ABCC4: variants seen among roughly 807,000 people sequenced by gnomAD.
ABCC4 encodes ATP binding cassette subfamily C member 4 (PEL blood group).
Under a neutral mutation model 168.5 loss-of-function variants are expected in ABCC4, and 102 were observed. That is an observed-to-expected ratio of 0.61 (90% CI 0.52 to 0.71). The LOEUF (loss-of-function observed/expected upper bound fraction) is 0.71, where lower values mean the gene tolerates loss of function less well. Among genes scored for constraint, ABCC4 ranks in the 30% least tolerant of loss-of-function variants. The pLI is 0.00. For missense variants in ABCC4, 1,402 were observed against 1,605.8 expected, an observed-to-expected ratio of 0.87 and a Z score of 2.17; for synonymous variants, 617 against 590.7, an observed-to-expected ratio of 1.04 and a Z score of -0.65.
chr13:95,115,502 C>CAAA (rs4148521), intron 20 of ABCC4, among the ~76,000 whole-genome samples: 80 of 141,100 alleles, frequency 5.7e-4, no homozygotes, highest in Admixed American at 2.5e-3. Flanking sequence ...TGGTTCTATC[C>CAAA]AAAAAAAAAA....
chr13:95,278,053 C>T (rs889481520), intron 1 of ABCC4, among the ~76,000 whole-genome samples: 3 of 152,178 alleles, frequency 2.0e-5, no homozygotes, highest in Non-Finnish European at 4.4e-5. Flanking sequence ...TACCCCACCG[C>T]GGTCAACCCA....
At chr13:95,040,728 G>GT (rs1227619849) in intron 29 of ABCC4, among the ~76,000 whole-genome samples, 2 of 152,192 alleles carry the variant, frequency 1.3e-5, no homozygotes, top group East Asian at 3.8e-4. Context: ...TTAGCTTTGA[G>GT]TTGTGTTTCT....
chr13:95,171,049 GCC>G (rs542706038), intron 13 of ABCC4, among the ~76,000 whole-genome samples: 1 of 145,186 alleles, frequency 6.9e-6, no homozygotes, highest in Non-Finnish European at 1.5e-5. Flanking sequence ...ACATATCAAC[GCC>G]CCCCCTCCAC....
At chr13:95,284,702 C>T (rs2041216092) in intron 1 of ABCC4, among the ~76,000 whole-genome samples, 1 of 152,166 alleles carries the variant, frequency 6.6e-6, no homozygotes, top group Non-Finnish European at 1.5e-5. Flanking sequence ...GGGCAGGGAC[C>T]AGGGTCACTG....
At chr13:95,173,805 T>C (rs2037564574) in intron 13 of ABCC4, among the ~76,000 whole-genome samples, 1 of 152,192 alleles carries the variant, frequency 6.6e-6, no homozygotes, top group Non-Finnish European at 1.5e-5. Context: ...TGAGGCCTAT[T>C]TCATGAGAAT....
intron 27 of ABCC4, among the ~76,000 whole-genome samples, chr13:95,048,112 CTAAA>C (rs2032673174): frequency 6.6e-6 from 1 of 152,134 alleles, no homozygotes; most frequent in African/African-American, 2.4e-5. Flanking sequence ...AATTTTCTTA[CTAAA>C]TGTCATTGTA....
intron 1 of ABCC4, among the ~76,000 whole-genome samples, chr13:95,287,118 G>A (rs1273234261): frequency 6.6e-6 from 1 of 152,042 alleles, no homozygotes; most frequent in Non-Finnish European, 1.5e-5. Flanking sequence ...GGGCAACATG[G>A]TGAAACCTAT....
At chr13:95,031,605 C>T (rs1030816495) in intron 30 of ABCC4, among the ~76,000 whole-genome samples, 1 of 151,982 alleles carries the variant, frequency 6.6e-6, no homozygotes, top group African/African-American at 2.4e-5. Flanking sequence ...ACGTAAGTTA[C>T]GATTAATATT....
intron 29 of ABCC4, 160 bp downstream of exon 29, chr13:95,043,522 T>C (rs1220640879): frequency 1.8e-6 from 1 of 547,552 alleles, no homozygotes; most frequent in Non-Finnish European, 3.3e-6. Flanking sequence ...TTAGTAGCAC[T>C]GAGGGTGTAG....
At chr13:95,051,290 C>T (rs928806709) in intron 27 of ABCC4, among the ~76,000 whole-genome samples, 1 of 152,224 alleles carries the variant, frequency 6.6e-6, no homozygotes, top group Admixed American at 6.5e-5. Context: ...TCTACTTGCT[C>T]ACAGTCAAAA....
intron 20 of ABCC4, among the ~76,000 whole-genome samples, chr13:95,104,503 T>G (rs1437242394): frequency 6.6e-6 from 1 of 152,212 alleles, no homozygotes; most frequent in East Asian, 1.9e-4. Context: ...GTGAAGCTAT[T>G]AGCACACAAT....
chr13:95,080,014 G>A (rs1197390139), intron 21 of ABCC4, among the ~76,000 whole-genome samples: 2 of 152,172 alleles, frequency 1.3e-5, no homozygotes, highest in African/African-American at 4.8e-5. Context: ...CATGCATCCT[G>A]AGGGCATTTT....
At chr13:95,225,981 A>AT (rs1282696228) in intron 4 of ABCC4, among the ~76,000 whole-genome samples, 1 of 148,920 alleles carries the variant, frequency 6.7e-6, no homozygotes, top group Non-Finnish European at 1.5e-5. Flanking sequence ...AAAAAAAAAA[A>AT]AAAGAAAAAG....
At chr13:95,091,202 T>C (rs1370441095) in intron 20 of ABCC4, among the ~76,000 whole-genome samples, 1 of 152,218 alleles carries the variant, frequency 6.6e-6, no homozygotes, top group Non-Finnish European at 1.5e-5. Flanking sequence ...AAGAGAATTC[T>C]AAAAGCTTGG....
intron 3 of ABCC4, among the ~76,000 whole-genome samples, chr13:95,243,777 C>G (rs2040007590): frequency 6.6e-6 from 1 of 151,946 alleles, no homozygotes; most frequent in Non-Finnish European, 1.5e-5. Flanking sequence ...CACAGCTACT[C>G]AGGAGGCTGA....
At chr13:95,112,735 C>A (rs556923587) in intron 20 of ABCC4, among the ~76,000 whole-genome samples, 6 of 152,074 alleles carry the variant, frequency 3.9e-5, no homozygotes, top group African/African-American at 1.4e-4. Flanking sequence ...GTTGAGAAGG[C>A]CTCACTTTCT....
intron 1 of ABCC4, among the ~76,000 whole-genome samples, chr13:95,275,174 C>T (rs1026130792): frequency 6.6e-6 from 1 of 152,192 alleles, no homozygotes; most frequent in African/African-American, 2.4e-5. Flanking sequence ...CTACATCACC[C>T]TATGATCCAA....
At position 95,143,157 on chromosome 13, in the gene ABCC4, A is replaced by G. The variant is rs539714586; in HGVS notation, c.2455+18032T>C. 8.5e-5 allele frequency among the ~76,000 whole-genome samples: 13 copies of G among 152,206 alleles called. 2 individuals carry two copies. The highest frequency in any genetic ancestry group is 5.2e-4 in the Admixed American group (8 of 15,286). On this transcript the variant is annotated intron_variant, in intron 19 of 30. Transcript: ENST00000645237. ...ATACTGAACCATCAACATTACTAAT[A>G]TGGTTTCTTCTGAGTAGACCACCAA...
chr13:95,158,978 A>G (rs866115328), intron 19 of ABCC4, among the ~76,000 whole-genome samples: 6 of 150,796 alleles, frequency 4.0e-5, no homozygotes, highest in Middle Eastern at 3.2e-3. Context: ...AACTACTTGG[A>G]AGGCTGAGGC....
Sources: allele counts gnomAD v4.1 joint callset (sites outside exome capture counted in the v4.1 genomes callset), GRCh38; gene constraint gnomAD v4.1.1; transcripts MANE v1.5; gene names NCBI Gene and HGNC (gene_info 2026-07-23, HGNC 2026-07-21).